RASA1: variants seen among roughly 807,000 people sequenced by gnomAD.
RASA1 encodes ras GTPase-activating protein 1.
Under a neutral mutation model 132.2 loss-of-function variants are expected in RASA1, and 25 were observed. The ratio of observed to expected loss-of-function variants is 0.19; its 90% confidence interval spans 0.14 to 0.26. The LOEUF (loss-of-function observed/expected upper bound fraction) is 0.26. Among genes scored for constraint, RASA1 ranks in the 10% least tolerant of loss-of-function variants. The pLI is 1.00. For synonymous variants in RASA1, 477 were observed against 449.9 expected (o/e 1.06, Z -0.76); for missense variants, 964 against 1,299.2 (o/e 0.74, Z 3.97).
chr5:87,374,519 T>G (rs2112485943), intron 14 of RASA1, among the ~76,000 whole-genome samples, 199 bp downstream of exon 14: 1 of 150,448 alleles, frequency 6.6e-6, no homozygotes. Context: ...ATGCCCTTGG[T>G]TTTTCCACTT....
intron 1 of RASA1, among the ~76,000 whole-genome samples, chr5:87,322,653 C>T (rs1193066617): frequency 6.6e-6 from 1 of 152,182 alleles, no homozygotes; most frequent in African/African-American, 2.4e-5. Flanking sequence ...ACCATGCTTC[C>T]TCTATAGTCC....
At chr5:87,354,677 G>A (rs1217680920) in intron 9 of RASA1, among the ~76,000 whole-genome samples, 1 of 152,122 alleles carries the variant, frequency 6.6e-6, no homozygotes, top group African/African-American at 2.4e-5. Flanking sequence ...CTCACATTAA[G>A]TCAAAAGCTA....
At chr5:87,335,205 A>G (rs144087755) in intron 4 of RASA1, among the ~76,000 whole-genome samples, 132 of 152,096 alleles carry the variant, frequency 8.7e-4, no homozygotes, top group African/African-American at 3.1e-3. Context: ...TGTGCACACC[A>G]TTTTCACTTG....
At chr5:87,287,902 C>T (rs987065367) in intron 1 of RASA1, among the ~76,000 whole-genome samples, 1 of 130,352 alleles carries the variant, frequency 7.7e-6, no homozygotes, top group Admixed American at 7.9e-5. Context: ...ACCATATATA[C>T]ACACACCATA....
At chr5:87,283,148 G>GTTTTTTTTTTTTTTTTGTTT (rs200461511) in intron 1 of RASA1, among the ~76,000 whole-genome samples, 12 of 103,198 alleles carry the variant, frequency 1.2e-4, no homozygotes, top group East Asian at 5.2e-4. Context: ...TTTTTTTTGT[G>GTTTTTTTTTTTTTTTTGTTT]TTTTTTTTTT....
chr5:87,271,927 G>C (rs764705294), intron 1 of RASA1, among the ~76,000 whole-genome samples: 2 of 151,876 alleles, frequency 1.3e-5, no homozygotes, highest in African/African-American at 4.8e-5. Context: ...GCCAAGGCGA[G>C]TGGATCACTT....
At chr5:87,381,650 C>G (rs1296627856) in intron 20 of RASA1, among the ~76,000 whole-genome samples, 1 of 152,218 alleles carries the variant, frequency 6.6e-6, no homozygotes, top group African/African-American at 2.4e-5. Flanking sequence ...ACTACAGATT[C>G]TGTTTTTCTT....
chr5:87,276,385 A>C (rs1282412491), intron 1 of RASA1, among the ~76,000 whole-genome samples: 1 of 152,090 alleles, frequency 6.6e-6, no homozygotes, highest in Admixed American at 6.6e-5. Flanking sequence ...GCTGCGTTAA[A>C]AATTGTTGTT....
chr5:87,298,379 C>T (rs1436966570), intron 1 of RASA1, among the ~76,000 whole-genome samples: 2 of 148,786 alleles, frequency 1.3e-5, no homozygotes, highest in African/African-American at 5.0e-5. Context: ...TGCCACTGCA[C>T]TCCAGCCTGG....
intron 1 of RASA1, among the ~76,000 whole-genome samples, chr5:87,273,055 T>C (rs1424824120): frequency 6.6e-6 from 1 of 152,160 alleles, no homozygotes; most frequent in Non-Finnish European, 1.5e-5. Flanking sequence ...GTTACTCGAG[T>C]GTTCCATGGT....
In RASA1 at chr5:87,331,393, C is replaced by T; in HGVS notation, c.585C>T (p.Leu195=). The change falls in exon 2 of 25, where the codon CTC becomes CTT. Residue 195 remains leucine (L), a synonymous_variant. Coordinates refer to ENST00000274376, the MANE Select transcript of RASA1 (RefSeq NM_002890.3). Reference sequence around the variant, plus strand: ...ACAGAACGATAGCAGAAGAACGCCTCAGGCAGGCAGGGAAGTCTGGCAGTT... The same window carrying T: ...ACAGAACGATAGCAGAAGAACGCCTTAGGCAGGCAGGGAAGTCTGGCAGTT... ...KLDRTIAEER[L]RQAGKSGSYL... is the part of the protein sequence containing the mutation. 8.7e-6 allele frequency: 14 copies of T among 1,612,924 alleles called. No homozygotes were observed. Among genetic ancestry groups the T allele is most frequent in the Non-Finnish European group, 1.2e-5 (14 of 1,178,962 alleles).
intron 6 of RASA1, among the ~76,000 whole-genome samples, chr5:87,342,972 A>G (rs1758590721): frequency 6.6e-6 from 1 of 152,134 alleles, no homozygotes; most frequent in South Asian, 2.1e-4. Context: ...TTTTTATCTG[A>G]TAGCATTGTC....
chr5:87,289,705 G>C (rs1236602739), intron 1 of RASA1, among the ~76,000 whole-genome samples: 1 of 152,050 alleles, frequency 6.6e-6, no homozygotes, highest in Admixed American at 6.6e-5. Context: ...CAACCTCCCA[G>C]GTTCAAGCGA....
At chr5:87,323,087 A>G (rs144804529) in intron 1 of RASA1, among the ~76,000 whole-genome samples, 14 of 152,316 alleles carry the variant, frequency 9.2e-5, no homozygotes, top group African/African-American at 3.1e-4. Context: ...AGAGGTTATA[A>G]TTTGAGCTGA....
intron 1 of RASA1, among the ~76,000 whole-genome samples, chr5:87,306,453 C>T (rs1755616489): frequency 6.6e-6 from 1 of 151,878 alleles, no homozygotes; most frequent in South Asian, 2.1e-4. Flanking sequence ...CACACTGGGG[C>T]CTAATTGAGG....
chr5:87,310,674 C>T (rs1208179742), intron 1 of RASA1, among the ~76,000 whole-genome samples: 1 of 152,136 alleles, frequency 6.6e-6, no homozygotes, highest in Non-Finnish European at 1.5e-5. Context: ...AGTCTGCTTT[C>T]ACTAGAGTTC....
chr5:87,313,534 C>T (rs1224736453), intron 1 of RASA1, among the ~76,000 whole-genome samples: 4 of 152,164 alleles, frequency 2.6e-5, no homozygotes, highest in Admixed American at 1.3e-4. Context: ...TTTTCCTCAT[C>T]TCCCACCTGC....
At chr5:87,383,872 T>TG in intron 21 of RASA1, 92 bp downstream of exon 21, 1 of 1,108,134 alleles carries the variant, frequency 9.0e-7, no homozygotes, top group South Asian at 1.4e-5. Flanking sequence ...TTTTTTTTTT[T>TG]TGATCATCCA....
At chr5:87,365,117 G>T (rs1760408094) in intron 11 of RASA1, among the ~76,000 whole-genome samples, 1 of 152,126 alleles carries the variant, frequency 6.6e-6, no homozygotes, top group Non-Finnish European at 1.5e-5. Context: ...TTGATTCTTG[G>T]AGGATGGGTA....
Sources: allele counts gnomAD v4.1 joint callset (sites outside exome capture counted in the v4.1 genomes callset), GRCh38; gene constraint gnomAD v4.1.1; transcripts MANE v1.5; gene names NCBI Gene and HGNC (gene_info 2026-07-23, HGNC 2026-07-21).